The following RADIL variants were observed in gnomAD, a reference collection of about 807,000 sequenced individuals.
RADIL encodes the protein Rap associating with DIL domain, also known as ras-associating and dilute domain-containing protein.
In RADIL, 99 loss-of-function variants were observed where a neutral mutation model predicts 97.6. The observed-to-expected ratio is 1.01, with a 90% CI of 0.86 to 1.20. The LOEUF (loss-of-function observed/expected upper bound fraction) is 1.20. Among genes scored for constraint, RADIL ranks in the 50% most tolerant of loss-of-function variants. The pLI is 0.00. For synonymous variants in RADIL, 803 were observed against 691.8 expected, an observed-to-expected ratio of 1.16 and a Z score of -2.52; for missense variants, 1,765 against 1,498.9, an observed-to-expected ratio of 1.18 and a Z score of -2.93.
rs917829911 is a variant in RADIL at position 4,818,541 on chromosome 7, G to A, written c.1616-1190C>T. ...GGCAGGGCAGCTGGAGGGACCCCGG[G>A]GTCCGGGGCAGTAAGGGGCTCTCGG... On this transcript the variant is annotated intron_variant, in intron 6 of 14. Coordinates refer to ENST00000399583, the MANE Select transcript of RADIL (RefSeq NM_018059.5). The surrounding 1 kb of genome is among the most constrained non-coding windows in gnomAD (Gnocchi z 7.1). Among the ~76,000 whole-genome samples the A allele has an allele frequency of 1.3e-5, 2 of 152,212 alleles. No homozygotes were observed. Among genetic ancestry groups the A allele is most frequent in the East Asian group, 3.9e-4 (2 of 5,172 alleles).
intron 3 of RADIL, 103 bp downstream of exon 3, chr7:4,836,255 C>T (rs1000743101): frequency 3.4e-5 from 51 of 1,495,626 alleles, no homozygotes; most frequent in African/African-American, 7.0e-5. Flanking sequence ...CCACAGAGCT[C>T]GCGGCCGACT....
At position 4,824,542 on chromosome 7, in the gene RADIL, C is replaced by T. The variant is rs143064617; in HGVS notation, c.1455-1988G>A. Among the ~76,000 whole-genome samples, 1,151 of 152,140 alleles carry T rather than the reference C, an allele frequency of 7.6e-3. 13 individuals carry two copies. The highest frequency in any genetic ancestry group is 0.026 in the South Asian group (125 of 4,828). ...CCCAGGCTGCGTCCCAGATTCTCCC[C>T]GGTACCCAAAGTGTTGCCTGCTCTC... On this transcript the variant is annotated intron_variant, in intron 5 of 14. Coordinates refer to ENST00000399583, the MANE Select transcript of RADIL (RefSeq NM_018059.5). This position sits in a 1 kb window ranked among gnomAD's most constrained non-coding sequence, Gnocchi z 6.7.
Position 4,878,062 on chromosome 7 carries a change from G to A in RADIL, c.78C>T (p.Ser26=). 1 of 1,602,220 alleles carries A rather than the reference G, an allele frequency of 6.2e-7. No individual in the cohort carries two copies. The highest frequency in any genetic ancestry group is 8.5e-7 in the Non-Finnish European group (1 of 1,175,210). ...TGTAGCTCAGCGTCCGGGACAGCAT[G>A]CTGGACAACAGCTGGCTCTGCCGCT... The part of the protein sequence containing the change: ...KLKRQSQLLS[S]MLSRTLSYKY... Residue 26 remains serine, a synonymous_variant, in exon 2 of 15, where the codon AGC becomes AGT. Transcript: ENST00000399583. The surrounding 1 kb of genome is among the most constrained non-coding windows in gnomAD (Gnocchi z 4.1).
chr7:4,801,480 G>A (rs1041328994), intron 12 of RADIL, among the ~76,000 whole-genome samples, 173 bp downstream of exon 12: 1 of 152,216 alleles, frequency 6.6e-6, no homozygotes, highest in East Asian at 1.9e-4. Flanking sequence ...CCAGCTGCTG[G>A]GGGCTGAGCA....
intron 13 of RADIL, 77 bp downstream of exon 13, chr7:4,800,094 G>A: frequency 6.6e-7 from 1 of 1,518,132 alleles, no homozygotes. Flanking sequence ...GGCCACGCAA[G>A]CTGCGGCCAG....
intron 2 of RADIL, among the ~76,000 whole-genome samples, chr7:4,841,673 C>T (rs1017401697): frequency 6.6e-6 from 1 of 152,222 alleles, no homozygotes; most frequent in Admixed American, 6.5e-5. Context: ...GGCAGCCCTG[C>T]TTCACCCCAG....
intron 2 of RADIL, among the ~76,000 whole-genome samples, chr7:4,868,482 C>T (rs1016674738): frequency 2.0e-5 from 3 of 152,182 alleles, no homozygotes; most frequent in African/African-American, 4.8e-5. Flanking sequence ...AATCTTTGTC[C>T]AGCTTCCTCT....
chr7:4,847,235 C>G (rs1329322778), intron 2 of RADIL, among the ~76,000 whole-genome samples: 2 of 152,098 alleles, frequency 1.3e-5, no homozygotes, highest in Admixed American at 6.5e-5. Flanking sequence ...GCAGGAGAAT[C>G]GCTTGAACCC....
Position 4,805,368 on chromosome 7 carries a change from C to T in RADIL, c.2290+198G>A, listed in dbSNP as rs370628390. ...ACTCTCGGCTCCTTGACTCCCCCGC[C>T]GAGGAGGTCCCCGGATCCCCAGGTT... is the stretch of plus-strand genomic sequence containing the variant. On this transcript the variant is annotated intron_variant, in intron 10 of 14. Transcript: ENST00000399583. The T allele has an allele frequency of 2.7e-4, 154 of 567,918 alleles. 1 individual carries two copies. In the East Asian group the frequency reaches 2.9e-3, roughly 11 times the overall value. 35.2% of individuals were successfully genotyped at this position (567,918 alleles called of 1,614,324 possible).
chr7:4,801,618 G>C (rs1290827781), intron 12 of RADIL, 35 bp downstream of exon 12: 1 of 1,554,668 alleles, frequency 6.4e-7, no homozygotes, highest in South Asian at 1.2e-5. Context: ...CGGGGTCTGG[G>C]GTGGGTTCCC....
Position 4,837,788 on chromosome 7 carries a change from C to A in RADIL, c.536-1183G>T. 4.1e-6 allele frequency: 4 copies of A among 967,146 alleles called. No homozygotes were observed. Among genetic ancestry groups the A allele is most frequent in the Non-Finnish European group, 4.9e-6 (4 of 813,468 alleles). The allele number at this position is 967,146 out of a possible 1,614,324, so 59.9% of individuals were successfully genotyped here. ...CAGACACGCTCTCTAAATGCATGCTCTGGGAAAGCCAGCCGGCTGCGATAG... is the reference window on the plus strand; with the variant it reads ...CAGACACGCTCTCTAAATGCATGCTATGGGAAAGCCAGCCGGCTGCGATAG... On this transcript the variant is annotated intron_variant, in intron 2 of 14. Transcript: ENST00000399583. This position sits in a 1 kb window ranked among gnomAD's most constrained non-coding sequence, Gnocchi z 5.6.
chr7:4,854,768 A>G lies in RADIL; in HGVS notation c.536-18163T>C, dbSNP rs1406968284. On this transcript the variant is annotated intron_variant, in intron 2 of 14. Coordinates refer to ENST00000399583, the MANE Select transcript of RADIL (RefSeq NM_018059.5). The surrounding 1 kb of genome is among the most constrained non-coding windows in gnomAD (Gnocchi z 5.1). ...GTTTAATTATATTTCACACATATGA[A>G]AGCATTTGTAACTTAGACTAATAAC... is the stretch of plus-strand genomic sequence containing the variant. Among the ~76,000 whole-genome samples the G allele has an allele frequency of 6.6e-6, 1 of 152,182 alleles. No homozygotes were observed. Among genetic ancestry groups the G allele is most frequent in the Non-Finnish European group, 1.5e-5 (1 of 68,032 alleles).
rs1418336585 is a variant in RADIL at position 4,821,873 on chromosome 7, T to A, written c.1615+521A>T. 6.6e-6 allele frequency among the ~76,000 whole-genome samples: 1 copy of A among 151,778 alleles called. No homozygotes were observed. The highest frequency in any genetic ancestry group is 2.4e-5 in the African/African-American group (1 of 41,298). ...TCCGTCTCAAAAAAAGAAAAAGAAA[T>A]CCCGAAATGTGTATTTCCCACATCT... is the stretch of plus-strand genomic sequence containing the variant. On this transcript the variant is annotated intron_variant, in intron 6 of 14. Transcript: ENST00000399583. The surrounding 1 kb of genome is among the most constrained non-coding windows in gnomAD (Gnocchi z 5.2).
rs397890944 is a variant in RADIL, at chr7:4,831,725, C to CAA, written c.1454+414_1454+415dup. ...TGAAACCCCATCTCTACTAAAAGTA[C>CAA]AAAAAAAAAAAAATTAGCCAGGCAT... On this transcript the variant is annotated intron_variant, in intron 5 of 14. Transcript: ENST00000399583. Among the ~76,000 whole-genome samples the CAA allele has an allele frequency of 4.2e-4, 60 of 141,654 alleles. No individual in the cohort carries two copies. In the East Asian group the frequency reaches 4.5e-3, roughly 11 times the overall value. The allele number at this position is 141,654 out of a possible 152,430, so 92.9% of individuals were successfully genotyped here. A position where few individuals can be genotyped will look rare whatever the true frequency, so the allele number is the denominator to read the frequency against.
At chr7:4,836,714 G>GA in intron 2 of RADIL, 109 bp from the exon 3 acceptor site, 2 of 1,444,694 alleles carry the variant, frequency 1.4e-6, no homozygotes, top group East Asian at 2.3e-5. Context: ...GAGGTGGGGG[G>GA]ATCGCCTGAG....
intron 2 of RADIL, among the ~76,000 whole-genome samples, chr7:4,857,502 T>A (rs762600736): frequency 5.9e-5 from 9 of 152,242 alleles, no homozygotes; most frequent in Non-Finnish European, 2.9e-5. Flanking sequence ...TTTTTTTGTA[T>A]GCTTTCCCCC....
In RADIL at chr7:4,880,414, C is replaced by T. The variant is rs1034074932; in HGVS notation, c.-64-2211G>A. 5.3e-5 allele frequency among the ~76,000 whole-genome samples: 8 copies of T among 152,218 alleles called. No individual in the cohort carries two copies. The highest frequency in any genetic ancestry group is 7.3e-5 in the Non-Finnish European group (5 of 68,050). ...TGGCCTGTGCACACCACACCAGCGG[C>T]TTCCAATCGCCCTCTAGTCTGACCT... On this transcript the variant is annotated intron_variant, in intron 1 of 14. Transcript: ENST00000399583. The surrounding 1 kb of genome is among the most constrained non-coding windows in gnomAD (Gnocchi z 4.5).
At position 4,800,229 on chromosome 7, in the gene RADIL, A is replaced by T. The variant is rs747374539; in HGVS notation, c.2924T>A (p.Phe975Tyr). The T allele has an allele frequency of 6.9e-6, 11 of 1,603,164 alleles. No homozygotes were observed. The East Asian group carries it at 2.5e-4, about 36-fold the overall frequency. ...SSSTEDFCYV[F>Y]TVELERGPSG... ...GGGGCCTCGTTCCAGCTCCACCGTG[A>T]AGACGTAGCAGAAGTCCTCGGTGCT... The change falls in exon 13 of 15, where the codon TTC (phenylalanine) becomes TAC (tyrosine). Residue 975 changes from phenylalanine to tyrosine, a missense_variant. Phe to Tyr is a conservative substitution (Grantham distance 22, BLOSUM62 3). Transcript: ENST00000399583.
Position 4,835,920 on chromosome 7 carries a change from G to A in RADIL, c.783+438C>T, listed in dbSNP as rs1352498849. 6.6e-6 allele frequency among the ~76,000 whole-genome samples: 1 copy of A among 152,204 alleles called. No individual in the cohort carries two copies. Among genetic ancestry groups the A allele is most frequent in the Non-Finnish European group, 1.5e-5 (1 of 68,012 alleles). On this transcript the variant is annotated intron_variant, in intron 3 of 14. Transcript: ENST00000399583. The surrounding 1 kb of genome is among the most constrained non-coding windows in gnomAD (Gnocchi z 5.8). Reference sequence around the variant, plus strand: ...GAGAAACGGCTCTGGGCAGATAGGGGTGGCATGGGCCTTTGCTCGGTGCCC... The same window carrying A: ...GAGAAACGGCTCTGGGCAGATAGGGATGGCATGGGCCTTTGCTCGGTGCCC...
Sources: allele counts gnomAD v4.1 joint callset (sites outside exome capture counted in the v4.1 genomes callset), GRCh38; gene constraint gnomAD v4.1.1; non-coding constraint Gnocchi (gnomAD v3.1); transcripts MANE v1.5; gene names NCBI Gene and HGNC (gene_info 2026-07-23, HGNC 2026-07-21).